Variants in ARHGEF12 observed in about 807,000 individuals in gnomAD.
ARHGEF12 encodes KMT2A/ARHGEF12 fusion protein.
In ARHGEF12, 66 loss-of-function variants were observed where a neutral mutation model predicts 211.2. That is an observed-to-expected ratio of 0.31 (90% CI 0.26 to 0.38). The LOEUF (loss-of-function observed/expected upper bound fraction) is 0.38, where lower values mean the gene tolerates loss of function less well. Among genes scored for constraint, ARHGEF12 ranks in the 10% least tolerant of loss-of-function variants. The pLI is 1.00. For missense variants in ARHGEF12, 1,429 were observed against 1,869.5 expected (o/e 0.76, Z 4.34); for synonymous variants, 592 against 638.4 (o/e 0.93, Z 1.09).
At chr11:120,457,608 C>A in intron 23 of ARHGEF12, 113 bp from the exon 24 acceptor site, 1 of 695,738 alleles carries the variant, frequency 1.4e-6, no homozygotes, top group Non-Finnish European at 2.2e-6. Context: ...TACAATATCC[C>A]AAAGAATTAT....
chr11:120,472,986 C>G (rs1186979919), intron 30 of ARHGEF12, 64 bp from the exon 31 acceptor site: 6 of 1,483,314 alleles, frequency 4.0e-6, no homozygotes, highest in Admixed American at 1.7e-5. Flanking sequence ...AAGTTTGATT[C>G]AGAAATAGAG....
At position 120,427,940 on chromosome 11, in the gene ARHGEF12, G is replaced by A. The variant is rs1945397467; in HGVS notation, c.407-129G>A. 4 of 673,958 alleles carry A rather than the reference G, an allele frequency of 5.9e-6. No individual in the cohort carries two copies. In the Admixed American group the frequency reaches 9.2e-5, roughly 16 times the overall value. 41.7% of individuals were successfully genotyped at this position (673,958 alleles called of 1,614,324 possible). On this transcript the variant is annotated intron_variant, in intron 7 of 40. Transcript: ENST00000397843. Reference sequence around the variant, plus strand: ...TTTTCTGTGGAGACATGATGTAGCAGATGATGGGACTGTCTTACATAACTG... The same window carrying A: ...TTTTCTGTGGAGACATGATGTAGCAAATGATGGGACTGTCTTACATAACTG...
chr11:120,371,091 G>A (rs1027285470), intron 1 of ARHGEF12, among the ~76,000 whole-genome samples: 3 of 152,134 alleles, frequency 2.0e-5, no homozygotes, highest in Non-Finnish European at 4.4e-5. Flanking sequence ...TGAGATATGT[G>A]CATGAGGTTT....
intron 16 of ARHGEF12, among the ~76,000 whole-genome samples, 168 bp from the exon 17 acceptor site, chr11:120,446,235 A>C (rs1360612784): frequency 6.7e-6 from 1 of 150,032 alleles, no homozygotes; most frequent in Non-Finnish European, 1.5e-5. Context: ...TAATAATAAT[A>C]ATAGAGTAAA....
chr11:120,377,051 A>G (rs529373158), intron 1 of ARHGEF12, among the ~76,000 whole-genome samples: 1 of 152,316 alleles, frequency 6.6e-6, no homozygotes, highest in South Asian at 2.1e-4. Flanking sequence ...GTTGATAGAC[A>G]CTTAGGTTGT....
chr11:120,441,639 A>T (rs1017859610), intron 13 of ARHGEF12, 68 bp from the exon 14 acceptor site: 1 of 1,297,562 alleles, frequency 7.7e-7, no homozygotes. Context: ...GCTATGTTCA[A>T]TTGAGCCTAC....
At chr11:120,368,366 C>T (rs1044032312) in intron 1 of ARHGEF12, among the ~76,000 whole-genome samples, 4 of 152,158 alleles carry the variant, frequency 2.6e-5, no homozygotes. Context: ...TGGTCTCAAA[C>T]TCCAGGCCTC....
At chr11:120,381,342 G>C (rs1943872767) in intron 1 of ARHGEF12, among the ~76,000 whole-genome samples, 1 of 152,058 alleles carries the variant, frequency 6.6e-6, no homozygotes, top group Non-Finnish European at 1.5e-5. Context: ...TGACTTCCTT[G>C]TCTGACCATA....
intron 1 of ARHGEF12, among the ~76,000 whole-genome samples, chr11:120,389,391 C>T (rs1429117584): frequency 2.0e-5 from 3 of 152,148 alleles, no homozygotes; most frequent in Non-Finnish European, 4.4e-5. Context: ...CCCAAGGTCA[C>T]ACCTCTTTGC....
At chr11:120,375,768 T>G (rs1416497186) in intron 1 of ARHGEF12, among the ~76,000 whole-genome samples, 1 of 152,198 alleles carries the variant, frequency 6.6e-6, no homozygotes, top group Non-Finnish European at 1.5e-5. Context: ...TTTTACCTAT[T>G]GTTCTTTTTC....
At chr11:120,373,220 C>T (rs1395901291) in intron 1 of ARHGEF12, among the ~76,000 whole-genome samples, 1 of 152,198 alleles carries the variant, frequency 6.6e-6, no homozygotes, top group Non-Finnish European at 1.5e-5. Flanking sequence ...CCTCCCCTCT[C>T]CCAGTTGTTT....
chr11:120,395,228 A>G (rs1025388226), intron 1 of ARHGEF12, among the ~76,000 whole-genome samples: 2 of 152,166 alleles, frequency 1.3e-5, no homozygotes, highest in Middle Eastern at 3.4e-3. Context: ...CATAAAATAT[A>G]TATGCACTCT....
rs545461239 is a variant in ARHGEF12 at position 120,379,047 on chromosome 11, T to C, written c.33-27071T>C. ...TGAATCTGGATCAGAATGTGGAGAATTGACATCTTAAATTAGGTCTCCCAA... is the reference window on the plus strand; with the variant it reads ...TGAATCTGGATCAGAATGTGGAGAACTGACATCTTAAATTAGGTCTCCCAA... On this transcript the variant is annotated intron_variant, in intron 1 of 40. Transcript: ENST00000397843. Among the ~76,000 whole-genome samples the C allele has an allele frequency of 4.6e-5, 7 of 152,280 alleles. No individual in the cohort carries two copies. The East Asian group carries it at 9.6e-4, about 21-fold the overall frequency.
intron 11 of ARHGEF12, among the ~76,000 whole-genome samples, chr11:120,436,666 A>C (rs1945703403): frequency 6.6e-6 from 1 of 152,230 alleles, no homozygotes; most frequent in African/African-American, 2.4e-5. Context: ...TAGACAATAC[A>C]GTATAACAAC....
chr11:120,382,186 C>T (rs1430542058), intron 1 of ARHGEF12, among the ~76,000 whole-genome samples: 1 of 152,170 alleles, frequency 6.6e-6, no homozygotes, highest in Non-Finnish European at 1.5e-5. Context: ...GTTTTCAAGT[C>T]CCTTGTGTAA....
Position 120,485,174 on chromosome 11 carries a change from G to T in ARHGEF12, c.*97G>T. 1 of 1,517,022 alleles carries T rather than the reference G, an allele frequency of 6.6e-7. No homozygotes were observed. 94.0% of individuals were successfully genotyped at this position (1,517,022 alleles called of 1,614,324 possible). A position where few individuals can be genotyped will look rare whatever the true frequency, so the allele number is the denominator to read the frequency against. On this transcript the variant is annotated 3_prime_UTR_variant, in exon 41 of 41. Coordinates refer to ENST00000397843, the MANE Select transcript of ARHGEF12 (RefSeq NM_015313.3). The stretch of plus-strand genomic sequence containing the variant: ...TCCAGTGTGGATGCAGAGAGAGTGT[G>T]ACAGAGGATCTGCCTGTGAACCACC...
intron 1 of ARHGEF12, among the ~76,000 whole-genome samples, chr11:120,359,276 G>A (rs1943214831): frequency 6.6e-6 from 1 of 152,086 alleles, no homozygotes; most frequent in South Asian, 2.1e-4. Flanking sequence ...TCAGGCTGGG[G>A]TGCAGTGGTG....
Position 120,485,207 on chromosome 11 carries a change from A to T in ARHGEF12, c.*130A>T. 1 of 1,190,504 alleles carries T rather than the reference A, an allele frequency of 8.4e-7. No homozygotes were observed. Among genetic ancestry groups the T allele is most frequent in the South Asian group, 1.3e-5 (1 of 75,554 alleles). 73.7% of individuals were successfully genotyped at this position (1,190,504 alleles called of 1,614,324 possible). A position where few individuals can be genotyped will look rare whatever the true frequency, so the allele number is the denominator to read the frequency against. ...ATCTGCCTGTGAACCACCTGGGATT[A>T]GTCAAGTCCCAAGGTGCCCAGAGTG... On this transcript the variant is annotated 3_prime_UTR_variant, in exon 41 of 41. Transcript: ENST00000397843.
At chr11:120,409,318 T>C (rs1381872148) in intron 3 of ARHGEF12, 76 bp from the exon 4 acceptor site, 8 of 1,432,266 alleles carry the variant, frequency 5.6e-6, no homozygotes, top group Non-Finnish European at 7.8e-6. Flanking sequence ...TTCATTCTTT[T>C]TTCCCCATGA....
Sources: allele counts gnomAD v4.1 joint callset (sites outside exome capture counted in the v4.1 genomes callset), GRCh38; gene constraint gnomAD v4.1.1; transcripts MANE v1.5; gene names NCBI Gene and HGNC (gene_info 2026-07-23, HGNC 2026-07-21).